Variants in PDXDC1 observed in about 807,000 individuals in gnomAD.
The protein encoded by PDXDC1 is pyridoxal dependent decarboxylase domain containing 1.
Under a neutral mutation model 100.1 loss-of-function variants are expected in PDXDC1, and 42 were observed. The observed-to-expected ratio is 0.42, with a 90% CI of 0.33 to 0.54. The LOEUF is 0.54. PDXDC1 is among the 20% of genes least tolerant of loss of function. The probability of loss-of-function intolerance (pLI) is 0.10; values close to 1 mark genes in which losing one functional copy is unlikely to be tolerated. For synonymous variants in PDXDC1, 260 were observed against 371.7 expected, an observed-to-expected ratio of 0.70 and a Z score of 3.46; for missense variants, 636 against 979.2, an observed-to-expected ratio of 0.65 and a Z score of 4.68.
intron 1 of PDXDC1, among the ~76,000 whole-genome samples, chr16:14,985,280 A>ATTTTTTT (rs1443233544): frequency 1.4e-5 from 2 of 146,292 alleles, no homozygotes; most frequent in African/African-American, 5.0e-5. Context: ...ATGATAAACA[A>ATTTTTTT]CTTTTTTTTT....
chr16:15,033,156 C>A, intron 18 of PDXDC1, 122 bp from the exon 19 acceptor site: 1 of 1,181,290 alleles, frequency 8.5e-7, no homozygotes, highest in Non-Finnish European at 1.2e-6. Flanking sequence ...TCTCTCCGCC[C>A]TTAGAATCTC....
intron 16 of PDXDC1, among the ~76,000 whole-genome samples, chr16:15,119,372 T>C (rs1243913820): frequency 7.0e-6 from 1 of 142,172 alleles, no homozygotes; most frequent in African/African-American, 2.5e-5. Flanking sequence ...TAACATACAC[T>C]AACACTAACA....
chr16:14,976,383 G>C (rs1333938202), intron 1 of PDXDC1, among the ~76,000 whole-genome samples: 1 of 152,290 alleles, frequency 6.6e-6, no homozygotes, highest in Non-Finnish European at 1.5e-5. Flanking sequence ...GAGAGTTGAA[G>C]GCAATAATTG....
At chr16:15,108,924 G>A in intron 16 of PDXDC1, 1 of 56,998 alleles carries the variant, frequency 1.8e-5, no homozygotes, top group Non-Finnish European at 4.5e-5. Context: ...GAAGTCCACT[G>A]GCTCTGGTTG....
chr16:15,119,431 T>C (rs1260670234), intron 16 of PDXDC1, among the ~76,000 whole-genome samples: 1 of 149,350 alleles, frequency 6.7e-6, no homozygotes, highest in Admixed American at 6.7e-5. Flanking sequence ...TTTTTTTTTT[T>C]GAGACAGAGT....
At position 15,034,361 on chromosome 16, in the gene PDXDC1, G is replaced by A; in HGVS notation, c.1888G>A (p.Glu630Lys). 1 of 1,613,508 alleles carries A rather than the reference G, an allele frequency of 6.2e-7. No individual in the cohort carries two copies. The highest frequency in any genetic ancestry group is 8.5e-7 in the Non-Finnish European group (1 of 1,180,000). ...AGTGGAGCTGCAGAAGGCAAGTGAA[G>A]AACGGCTTCTGGAAGAGGTGAGGCC... ...AQVELQKASE[E>K]RLLEEGVLRQ... Residue 630 changes from glutamate to lysine, a missense_variant, in exon 20 of 23, where the codon GAA becomes AAA. Glu to Lys is a moderately conservative substitution (Grantham distance 56). Transcript: ENST00000396410.
At chr16:15,098,376 T>A (rs1250711949) in intron 16 of PDXDC1, among the ~76,000 whole-genome samples, 1 of 151,572 alleles carries the variant, frequency 6.6e-6, no homozygotes, top group African/African-American at 2.4e-5. Flanking sequence ...AATTTTTGTA[T>A]TTTTAGTAGA....
At chr16:15,110,486 C>G in intron 16 of PDXDC1, 2 of 1,587,512 alleles carry the variant, frequency 1.3e-6, no homozygotes, top group Non-Finnish European at 1.7e-6. Context: ...CTTCATCTTA[C>G]GGATTTTAGC....
intron 16 of PDXDC1, chr16:15,110,705 C>T (rs1316353807): frequency 1.9e-6 from 3 of 1,587,900 alleles, no homozygotes; most frequent in South Asian, 1.1e-5. Flanking sequence ...ACTATGGGGA[C>T]TCCAACAGAA....
At chr16:15,125,290 C>T in intron 16 of PDXDC1, 1 of 628,702 alleles carries the variant, frequency 1.6e-6, no homozygotes, top group Non-Finnish European at 2.8e-6. Context: ...GTCCGGCCAA[C>T]TGGGCGTTCC....
chr16:15,077,252 T>G (rs1392042180), intron 16 of PDXDC1, among the ~76,000 whole-genome samples: 1 of 152,068 alleles, frequency 6.6e-6, no homozygotes. Context: ...GTGCTGGAAT[T>G]ACAGGCATGA....
chr16:15,137,576 C>T, intron 16 of PDXDC1: 6 of 1,269,546 alleles, frequency 4.7e-6, no homozygotes, highest in Non-Finnish European at 6.6e-6. Context: ...GGGTTCTGCT[C>T]CTCCTGGCTC....
intron 16 of PDXDC1, chr16:15,070,390 A>G: frequency 6.3e-6 from 4 of 637,412 alleles, no homozygotes; most frequent in Non-Finnish European, 1.1e-5. Context: ...CCATGGGTAC[A>G]GAGGAAAAGC....
intron 5 of PDXDC1, among the ~76,000 whole-genome samples, chr16:15,005,574 A>G (rs1974086361): frequency 6.6e-6 from 1 of 152,288 alleles, no homozygotes; most frequent in Non-Finnish European, 1.5e-5. Context: ...AAGTTTGCCC[A>G]ACTTTATTAA....
chr16:15,003,998 T>C (rs1416136663), intron 4 of PDXDC1, among the ~76,000 whole-genome samples, 189 bp from the exon 5 acceptor site: 5 of 152,268 alleles, frequency 3.3e-5, no homozygotes, highest in African/African-American at 4.8e-5. Context: ...AAAAAAAATA[T>C]ATTTTTTTCT....
intron 16 of PDXDC1, chr16:15,063,171 T>G: frequency 6.9e-7 from 1 of 1,457,164 alleles, no homozygotes; most frequent in East Asian, 2.3e-5. Context: ...ATTCCGAGAG[T>G]GTGCTCAATC....
chr16:15,046,697 CAAAAAAAAAAA>C (rs9331444), intron 16 of PDXDC1, among the ~76,000 whole-genome samples: 5 of 43,620 alleles, frequency 1.1e-4, no homozygotes, highest in African/African-American at 4.8e-4. Flanking sequence ...CTGTCTCTAC[CAAAAAAAAAAA>C]AAAAAAAAAA....
At position 15,112,055 on chromosome 16, in the gene PDXDC1, C is replaced by T. The variant is rs151108044; in HGVS notation, c.1400-26824C>T. Among the ~76,000 whole-genome samples the T allele has an allele frequency of 6.0e-3, 824 of 137,184 alleles. 7 individuals carry two copies. Among genetic ancestry groups the T allele is most frequent in the Middle Eastern group, 0.011 (3 of 272 alleles). 90.0% of individuals were successfully genotyped at this position (137,184 alleles called of 152,430 possible). Reference sequence around the variant, plus strand: ...TTCGTTGAGGCTGGTTTGAACTTTACGCAAAACATTCTCACTAATGACTGA... The same window carrying T: ...TTCGTTGAGGCTGGTTTGAACTTTATGCAAAACATTCTCACTAATGACTGA... On this transcript the variant is annotated intron_variant, in intron 16 of 16. Transcript: ENST00000535621.
At chr16:15,006,231 G>A (rs1382513445) in intron 5 of PDXDC1, among the ~76,000 whole-genome samples, 163 bp from the exon 6 acceptor site, 2 of 152,286 alleles carry the variant, frequency 1.3e-5, no homozygotes, top group Non-Finnish European at 2.9e-5. Context: ...GCTGTAATGA[G>A]GTGTCAGCCA....
Sources: allele counts gnomAD v4.1 joint callset (sites outside exome capture counted in the v4.1 genomes callset), GRCh38; gene constraint gnomAD v4.1.1; transcripts MANE v1.5; gene names NCBI Gene and HGNC (gene_info 2026-07-23, HGNC 2026-07-21).